Variants in PITPNM2 observed in about 807,000 individuals in gnomAD.
PITPNM2 encodes phosphatidylinositol transfer protein membrane associated 2, also known as membrane-associated phosphatidylinositol transfer protein 2.
A neutral mutation model predicts 132.2 loss-of-function variants in PITPNM2; 35 were observed. The observed-to-expected ratio is 0.26, with a 90% CI of 0.20 to 0.35. PITPNM2 has a LOEUF of 0.35. Among genes scored for constraint, PITPNM2 ranks in the 10% least tolerant of loss-of-function variants. The pLI, the probability that PITPNM2 is intolerant of heterozygous loss-of-function variation, is 1.00. For missense variants in PITPNM2, 1,332 were observed against 1,912.0 expected, an observed-to-expected ratio of 0.70 and a Z score of 5.66; for synonymous variants, 738 against 799.2, an observed-to-expected ratio of 0.92 and a Z score of 1.29.
chr12:122,987,355 G>A lies in PITPNM2; in HGVS notation c.3339C>T (p.Asp1113=), dbSNP rs780319671. The A allele has an allele frequency of 6.8e-6, 11 of 1,613,068 alleles. No individual in the cohort carries two copies. Among genetic ancestry groups the A allele is most frequent in the East Asian group, 6.7e-5 (3 of 44,898 alleles). Residue 1113 remains aspartate, a synonymous_variant, in exon 23 of 26, where the codon GAC becomes GAT. Transcript: ENST00000320201. ...TGGACACGCTAGCGGCAAAGGAACC[G>A]TCGATGCTGAAGACCACGAACTCTG... is the stretch of plus-strand genomic sequence containing the variant. The part of the protein sequence containing the change: ...KGTEFVVFSI[D]GSFAASVSIM...
intron 3 of PITPNM2, among the ~76,000 whole-genome samples, chr12:123,030,884 A>G (rs1390990766): frequency 6.6e-6 from 1 of 152,144 alleles, no homozygotes; most frequent in African/African-American, 2.4e-5. Context: ...GAAAGAAGCC[A>G]GACACAAAGA....
intron 2 of PITPNM2, among the ~76,000 whole-genome samples, chr12:123,046,760 G>A (rs950574658): frequency 1.3e-5 from 2 of 152,086 alleles, no homozygotes; most frequent in East Asian, 1.9e-4. Context: ...GTAGCATTGC[G>A]AGAACTTCAT....
intron 3 of PITPNM2, among the ~76,000 whole-genome samples, chr12:123,024,847 G>A (rs1025635374): frequency 6.6e-6 from 1 of 152,046 alleles, no homozygotes; most frequent in Non-Finnish European, 1.5e-5. Flanking sequence ...ACTCTGAATA[G>A]GCTAAAAACC....
chr12:123,096,385 T>G (rs2042411510), intron 2 of PITPNM2, among the ~76,000 whole-genome samples: 1 of 152,210 alleles, frequency 6.6e-6, no homozygotes, highest in Admixed American at 6.5e-5. Context: ...CCATATTTTA[T>G]TCACGGTGAG....
intron 2 of PITPNM2, among the ~76,000 whole-genome samples, chr12:123,096,843 T>G (rs1037310928): frequency 6.6e-6 from 1 of 152,110 alleles, no homozygotes; most frequent in African/African-American, 2.4e-5. Flanking sequence ...GATGGCAGGC[T>G]GGCCATAGAA....
chr12:122,995,980 G>A (rs770865236), intron 13 of PITPNM2, among the ~76,000 whole-genome samples: 13 of 152,176 alleles, frequency 8.5e-5, no homozygotes, highest in Non-Finnish European at 1.5e-4. Flanking sequence ...GAAACCACAC[G>A]CATTCCTAGG....
intron 2 of PITPNM2, among the ~76,000 whole-genome samples, chr12:123,107,660 C>T (rs1044455670): frequency 5.9e-5 from 9 of 152,184 alleles, no homozygotes; most frequent in African/African-American, 1.2e-4. Flanking sequence ...TACCAGGGCC[C>T]GGTGGTCACT....
At position 122,994,665 on chromosome 12, in the gene PITPNM2, C is replaced by A; in HGVS notation, c.2233+136G>T. On this transcript the variant is annotated intron_variant, in intron 15 of 25. Transcript: ENST00000320201. This position sits in a 1 kb window ranked among gnomAD's most constrained non-coding sequence, Gnocchi z 5.4. ...GCAGGAGCAGAGGATAGCAAGGGGCCCTTGGTGGGGAAGACAGGAAGGAGG... is the reference window on the plus strand; with the variant it reads ...GCAGGAGCAGAGGATAGCAAGGGGCACTTGGTGGGGAAGACAGGAAGGAGG... 3.0e-6 allele frequency: 3 copies of A among 1,010,840 alleles called. No individual in the cohort carries two copies. The highest frequency in any genetic ancestry group is 4.2e-6 in the Non-Finnish European group (3 of 718,008). The allele number at this position is 1,010,840 out of a possible 1,614,324, so 62.6% of individuals were successfully genotyped here. A position where few individuals can be genotyped will look rare whatever the true frequency, so the allele number is the denominator to read the frequency against.
intron 1 of PITPNM2, among the ~76,000 whole-genome samples, chr12:123,131,028 T>C (rs2137550144): frequency 6.6e-6 from 1 of 152,294 alleles, no homozygotes; most frequent in East Asian, 1.9e-4. Context: ...TCTACATCAA[T>C]ACACCTGAGC....
intron 2 of PITPNM2, among the ~76,000 whole-genome samples, chr12:123,050,992 T>C (rs1450214332): frequency 6.6e-6 from 1 of 152,230 alleles, no homozygotes; most frequent in East Asian, 1.9e-4. Flanking sequence ...GGCTATGCAC[T>C]GTCCAACTCC....
chr12:123,001,868 T>TA (rs1403974949), intron 8 of PITPNM2, among the ~76,000 whole-genome samples: 1 of 151,796 alleles, frequency 6.6e-6, no homozygotes, highest in Non-Finnish European at 1.5e-5. Flanking sequence ...CCGTCTCTAC[T>TA]AAAAATACAA....
Position 122,990,530 on chromosome 12 carries a change from G to T in PITPNM2, c.2569+15C>A. 6.2e-7 allele frequency: 1 copy of T among 1,612,088 alleles called. No homozygotes were observed. The highest frequency in any genetic ancestry group is 8.5e-7 in the Non-Finnish European group (1 of 1,179,680). On this transcript the variant is annotated intron_variant, in intron 17 of 25. Coordinates refer to ENST00000320201, the MANE Select transcript of PITPNM2 (RefSeq NM_020845.3). ...CCTGGCTGAGTGAGGAGGGTGAGGGGCCTGGTATACTCACTCTGGGCGATG... is the reference window on the plus strand; with the variant it reads ...CCTGGCTGAGTGAGGAGGGTGAGGGTCCTGGTATACTCACTCTGGGCGATG...
intron 2 of PITPNM2, among the ~76,000 whole-genome samples, chr12:123,044,150 C>G (rs1285349213): frequency 6.6e-6 from 1 of 152,182 alleles, no homozygotes; most frequent in Non-Finnish European, 1.5e-5. Context: ...CCAGAGGGGA[C>G]CTTGGCCCCA....
rs559597916 is a variant in PITPNM2, at chr12:122,987,983, G to C, written c.2998-82C>G. ...TGTTCTGCTCAAGCTCTGTGGGCCT[G>C]AGGGGCAGGCTTGAGCTGTGAGCTG... On this transcript the variant is annotated intron_variant, in intron 20 of 25. Transcript: ENST00000320201. 30 of 1,285,340 alleles carry C rather than the reference G, an allele frequency of 2.3e-5. No individual in the cohort carries two copies. In the South Asian group the frequency reaches 3.9e-4, roughly 17 times the overall value. The allele number at this position is 1,285,340 out of a possible 1,614,324, so 79.6% of individuals were successfully genotyped here. A position where few individuals can be genotyped will look rare whatever the true frequency, so the allele number is the denominator to read the frequency against.
intron 2 of PITPNM2, among the ~76,000 whole-genome samples, chr12:123,074,121 T>C (rs2041703427): frequency 6.6e-6 from 1 of 152,120 alleles, no homozygotes. Flanking sequence ...GGATCCAAGT[T>C]CTGGTTCTGC....
intron 1 of PITPNM2, among the ~76,000 whole-genome samples, chr12:123,115,572 C>T (rs188153782): frequency 9.2e-5 from 14 of 152,156 alleles, no homozygotes; most frequent in African/African-American, 3.4e-4. Context: ...CACATGCACA[C>T]ACACACACAT....
In PITPNM2 at chr12:123,097,108, T is replaced by A. The variant is rs887643541; in HGVS notation, c.-96+13277A>T. On this transcript the variant is annotated intron_variant, in intron 2 of 25. Transcript: ENST00000320201. This position sits in a 1 kb window ranked among gnomAD's most constrained non-coding sequence, Gnocchi z 4.7. The stretch of plus-strand genomic sequence containing the variant: ...CCCAGGTTTGAGTGCAGTGGCACGA[T>A]CTTGGCTTGCTGCAACCTCTTCCTC... Among the ~76,000 whole-genome samples the A allele has an allele frequency of 6.6e-6, 1 of 152,214 alleles. No homozygotes were observed. Among genetic ancestry groups the A allele is most frequent in the African/African-American group, 2.4e-5 (1 of 41,446 alleles).
At chr12:122,988,629 A>G (rs2038043427) in intron 19 of PITPNM2, 95 bp downstream of exon 19, 1 of 1,303,330 alleles carries the variant, frequency 7.7e-7, no homozygotes, top group African/African-American at 1.5e-5. Context: ...ATGGGGTTGG[A>G]GAGGAGTCCC....
At chr12:123,033,406 T>C (rs1283047971) in intron 3 of PITPNM2, among the ~76,000 whole-genome samples, 1 of 152,152 alleles carries the variant, frequency 6.6e-6, no homozygotes, top group Non-Finnish European at 1.5e-5. Context: ...AGTGGTCCCA[T>C]CTGGGGTCAG....
Sources: gnomAD v4.1 joint callset for allele counts (sites outside exome capture counted in the v4.1 genomes callset) on GRCh38, gnomAD v4.1.1 for gene constraint, Gnocchi (gnomAD v3.1) non-coding constraint, MANE v1.5 for transcripts, NCBI Gene and HGNC (gene_info 2026-07-23, HGNC 2026-07-21) for gene names.